Variants in STK3 observed in about 807,000 individuals in gnomAD.
STK3 encodes the protein serine/threonine kinase 3.
In STK3, 41 loss-of-function variants were observed where a neutral mutation model predicts 58.0. The ratio of observed to expected loss-of-function variants is 0.71; its 90% CI spans 0.55 to 0.92. STK3 has a LOEUF of 0.92. STK3 is among the 40% of genes least tolerant of loss of function. STK3 has a pLI of 0.00. For synonymous variants in STK3, 170 were observed against 191.0 expected, an observed-to-expected ratio of 0.89 and a Z score of 0.91; for missense variants, 479 against 602.7, an observed-to-expected ratio of 0.79 and a Z score of 2.15.
At chr8:98,513,704 AC>A (rs1264641560) in intron 10 of STK3, among the ~76,000 whole-genome samples, 5 of 152,066 alleles carry the variant, frequency 3.3e-5, no homozygotes, top group African/African-American at 1.2e-4. Context: ...AGTGGAGAGT[AC>A]CTCTCACATT....
intron 10 of STK3, among the ~76,000 whole-genome samples, chr8:98,477,103 A>G (rs1249217819): frequency 6.6e-6 from 1 of 152,226 alleles, no homozygotes; most frequent in Non-Finnish European, 1.5e-5. Flanking sequence ...AACCTTGTTA[A>G]GCTAACCCTT....
At chr8:98,841,356 G>C (rs1835972965) in intron 3 of STK3, among the ~76,000 whole-genome samples, 1 of 152,106 alleles carries the variant, frequency 6.6e-6, no homozygotes, top group South Asian at 2.1e-4. Context: ...TCAAACAATT[G>C]ATGTACAATA....
chr8:98,727,587 G>C (rs1827874146), intron 4 of STK3, among the ~76,000 whole-genome samples: 2 of 152,142 alleles, frequency 1.3e-5, no homozygotes, highest in Non-Finnish European at 1.5e-5. Flanking sequence ...ACAAACCACT[G>C]ACTAACTCCA....
In STK3 at chr8:98,614,178, A is replaced by T. The variant is rs139916103; in HGVS notation, c.685-18009T>A. Among the ~76,000 whole-genome samples the T allele has an allele frequency of 2.0e-4, 30 of 152,328 alleles. 1 individual carries two copies. The highest frequency in any genetic ancestry group is 7.0e-4 in the African/African-American group (29 of 41,574). On this transcript the variant is annotated intron_variant, in intron 6 of 10. Coordinates refer to ENST00000419617, the MANE Select transcript of STK3 (RefSeq NM_006281.4). ...GGATACAGAAGAAATCAACAACACC[A>T]TCAACAAAATTTATAGAATACCCCA...
chr8:98,552,601 C>G (rs1328210210), intron 8 of STK3, among the ~76,000 whole-genome samples: 2 of 152,070 alleles, frequency 1.3e-5, no homozygotes, highest in African/African-American at 4.8e-5. Context: ...TTATTTAACT[C>G]AGGTATCTAT....
chr8:98,892,075 C>CA (rs1051014819), intron 1 of STK3, among the ~76,000 whole-genome samples: 18 of 150,934 alleles, frequency 1.2e-4, no homozygotes, highest in South Asian at 1.0e-3. Flanking sequence ...GTACTCCACC[C>CA]AAAAAAAAAT....
At chr8:98,679,365 AT>A (rs900799132) in intron 6 of STK3, among the ~76,000 whole-genome samples, 5 of 151,992 alleles carry the variant, frequency 3.3e-5, no homozygotes, top group Non-Finnish European at 7.4e-5. Flanking sequence ...AGATACCCTC[AT>A]TTTCTTCAGC....
At chr8:98,669,615 C>A (rs1214310651) in intron 6 of STK3, among the ~76,000 whole-genome samples, 1 of 152,130 alleles carries the variant, frequency 6.6e-6, no homozygotes, top group African/African-American at 2.4e-5. Context: ...CTAACATGTT[C>A]TCTTAGGGTG....
intron 1 of STK3, among the ~76,000 whole-genome samples, chr8:98,891,589 C>T (rs1314220768): frequency 6.6e-6 from 1 of 151,058 alleles, no homozygotes; most frequent in African/African-American, 2.4e-5. Flanking sequence ...GTTGTGCAGA[C>T]TTTATCTTTA....
chr8:98,353,670 G>A, the STK3 span, among the ~76,000 whole-genome samples: 1 of 152,140 alleles, frequency 6.6e-6, no homozygotes, highest in East Asian at 1.9e-4. Flanking sequence ...TCAACATGTA[G>A]CAGATGAAGG....
At chr8:98,884,578 ATGCTTATG>A (rs1269148666) in intron 1 of STK3, among the ~76,000 whole-genome samples, 1 of 152,164 alleles carries the variant, frequency 6.6e-6, no homozygotes, top group African/African-American at 2.4e-5. Flanking sequence ...AGTGGACTGA[ATGCTTATG>A]TCCCCTTAAA....
In STK3 at chr8:98,804,983, A is replaced by T. The variant is rs77331207; in HGVS notation, c.26+20532T>A. 6.0e-4 allele frequency among the ~76,000 whole-genome samples: 92 copies of T among 152,310 alleles called. 1 individual carries two copies. In the East Asian group the frequency reaches 0.012, roughly 20 times the overall value. ...CCAGGGACTTCTTCCTAATCTTCTA[A>T]ATGTCCTATAAGCCAAATTTTATAA... On this transcript the variant is annotated intron_variant, in intron 1 of 10. Transcript: ENST00000419617.
At chr8:98,683,758 C>T (rs1457807574) in intron 6 of STK3, among the ~76,000 whole-genome samples, 3 of 152,026 alleles carry the variant, frequency 2.0e-5, no homozygotes, top group Non-Finnish European at 2.9e-5. Flanking sequence ...GGGAGGAAGA[C>T]ATCATAATCT....
chr8:98,829,845 T>C (rs901157571), upstream of STK3, among the ~76,000 whole-genome samples: 9 of 152,032 alleles, frequency 5.9e-5, no homozygotes, highest in African/African-American at 2.2e-4. Flanking sequence ...TGGGGAAACA[T>C]AATAAGATAA....
intron 3 of STK3, among the ~76,000 whole-genome samples, chr8:98,862,439 C>T (rs981155555): frequency 5.9e-5 from 9 of 152,206 alleles, no homozygotes; most frequent in Admixed American, 2.6e-4. Flanking sequence ...ATATCCAACA[C>T]GGGAAAACAT....
rs1411262711 is a variant in STK3 at position 98,585,180 on chromosome 8, T to C, written c.823-5391A>G. Among the ~76,000 whole-genome samples, 32 of 152,166 alleles carry C rather than the reference T, an allele frequency of 2.1e-4. No individual in the cohort carries two copies. In the South Asian group the frequency reaches 6.6e-3, roughly 32 times the overall value. The stretch of plus-strand genomic sequence containing the variant: ...CATGAAGGCCTTGCCCATGCCTATG[T>C]CCTGAATGGTAATGCCTAGGTTTTC... On this transcript the variant is annotated intron_variant, in intron 7 of 10. Coordinates refer to ENST00000419617, the MANE Select transcript of STK3 (RefSeq NM_006281.4).
chr8:98,384,622 T>C (rs752479615), intron 1 of STK3, among the ~76,000 whole-genome samples: 12 of 152,102 alleles, frequency 7.9e-5, no homozygotes, highest in Non-Finnish European at 1.8e-4. Flanking sequence ...CTCTGTCTCA[T>C]CTTCCAGAAA....
At chr8:98,817,098 C>A in intron 1 of STK3, among the ~76,000 whole-genome samples, 1 of 152,146 alleles carries the variant, frequency 6.6e-6, no homozygotes, top group South Asian at 2.1e-4. Context: ...CATGTCAACA[C>A]CTAAAAACGG....
At chr8:98,483,320 CACAGGATCTTTAAATAGTTCAT>C (rs1167256512) in intron 10 of STK3, among the ~76,000 whole-genome samples, 1 of 152,150 alleles carries the variant, frequency 6.6e-6, no homozygotes, top group Non-Finnish European at 1.5e-5. Flanking sequence ...TTAGTGATGT[CACAGGATCTTTAAATAGTTCAT>C]ACAGGATGGT....
Sources: allele counts gnomAD v4.1 joint callset (sites outside exome capture counted in the v4.1 genomes callset), GRCh38; gene constraint gnomAD v4.1.1; transcripts MANE v1.5; gene names NCBI Gene and HGNC (gene_info 2026-07-23, HGNC 2026-07-21).